Variants in CLDN16 observed in about 807,000 individuals in gnomAD.
The protein encoded by CLDN16 is claudin 16.
A neutral mutation model predicts 24.6 loss-of-function variants in CLDN16; 13 were observed. The observed-to-expected ratio is 0.53, with a 90% confidence interval of 0.34 to 0.84. CLDN16 has a LOEUF of 0.84. CLDN16 is among the 40% of genes least tolerant of loss of function. The probability of loss-of-function intolerance (pLI) is 0.01; values close to 1 mark genes in which losing one functional copy is unlikely to be tolerated. For synonymous variants in CLDN16, 116 were observed against 106.7 expected, an observed-to-expected ratio of 1.09 and a Z score of -0.54; for missense variants, 298 against 292.7, an observed-to-expected ratio of 1.02 and a Z score of -0.13.
intron 1 of CLDN16, among the ~76,000 whole-genome samples, chr3:190,361,024 A>G (rs1717877373): frequency 1.3e-5 from 2 of 152,070 alleles, no homozygotes; most frequent in Admixed American, 1.3e-4. Context: ...AATTATGTTT[A>G]GTGTAGGTTT....
At chr3:190,320,460 T>A (rs1195791106), upstream of CLDN16, among the ~76,000 whole-genome samples, 1 of 152,212 alleles carries the variant, frequency 6.6e-6, no homozygotes, top group Admixed American at 6.5e-5. Flanking sequence ...AGTACAAATA[T>A]AACCCCTGAG....
intron 1 of CLDN16, among the ~76,000 whole-genome samples, chr3:190,333,008 A>G (rs1560080357): frequency 1.3e-5 from 2 of 152,152 alleles, no homozygotes. Context: ...GCTTTATTGT[A>G]GTCAGGTGTT....
intron 2 of CLDN16, among the ~76,000 whole-genome samples, chr3:190,374,090 C>G (rs369283697): frequency 6.6e-6 from 1 of 151,620 alleles, no homozygotes; most frequent in African/African-American, 2.4e-5. Context: ...AATTTTAGCT[C>G]GTTGGGTTTT....
upstream of CLDN16, chr3:190,388,085 C>G: frequency 6.2e-7 from 1 of 1,601,536 alleles, no homozygotes; most frequent in Non-Finnish European, 8.6e-7. Context: ...CTTGCACTGA[C>G]CTGCCTTCTG....
At chr3:190,340,611 C>A (rs904739777) in intron 1 of CLDN16, among the ~76,000 whole-genome samples, 1 of 152,164 alleles carries the variant, frequency 6.6e-6, no homozygotes, top group African/African-American at 2.4e-5. Context: ...GGTGGGGACA[C>A]AACCAAACCA....
chr3:190,299,916 G>A, the CLDN16 span, among the ~76,000 whole-genome samples: 1 of 152,170 alleles, frequency 6.6e-6, no homozygotes, highest in East Asian at 1.9e-4. Context: ...TGAGGGTAGA[G>A]TAACCTTCCT....
intron 1 of CLDN16, among the ~76,000 whole-genome samples, chr3:190,332,430 A>G (rs1717201838): frequency 6.6e-6 from 1 of 152,186 alleles, no homozygotes; most frequent in African/African-American, 2.4e-5. Context: ...GAGTAAAGAG[A>G]GACATTAATA....
At chr3:190,368,806 A>G (rs530117107) in intron 1 of CLDN16, among the ~76,000 whole-genome samples, 113 of 152,048 alleles carry the variant, frequency 7.4e-4, no homozygotes, top group South Asian at 1.2e-3. Flanking sequence ...AATGCTTACA[A>G]TTCCACCTTT....
chr3:190,396,765 A>G (rs1212168129), intron 1 of CLDN16, among the ~76,000 whole-genome samples: 6 of 152,328 alleles, frequency 3.9e-5, no homozygotes, highest in African/African-American at 1.4e-4. Context: ...GAAAGTGATA[A>G]ATGCCAGCTA....
the CLDN16 span, chr3:190,308,524 C>G: frequency 1.6e-6 from 2 of 1,284,774 alleles, no homozygotes; most frequent in East Asian, 5.0e-5. Context: ...AATCAATACT[C>G]ATTGTATTTT....
At chr3:190,307,897 G>A in the CLDN16 span, 1 of 168,258 alleles carries the variant, frequency 5.9e-6, no homozygotes, top group Non-Finnish European at 1.3e-5. Context: ...ACCTATTTTA[G>A]AGATATTTTA....
intron 1 of CLDN16, among the ~76,000 whole-genome samples, chr3:190,392,755 T>C (rs1214601994): frequency 6.6e-6 from 1 of 152,110 alleles, no homozygotes; most frequent in Non-Finnish European, 1.5e-5. Context: ...GCGTTGTATG[T>C]TTGCGGTATT....
intron 2 of CLDN16, among the ~76,000 whole-genome samples, chr3:190,373,916 T>C (rs1718194360): frequency 6.6e-6 from 1 of 151,830 alleles, no homozygotes; most frequent in East Asian, 1.9e-4. Flanking sequence ...CCTTATACAT[T>C]TCCCTTGCAA....
chr3:190,388,190 A>G lies in CLDN16; in HGVS notation c.-140A>G. 5.6e-6 allele frequency: 9 copies of G among 1,614,116 alleles called. No individual in the cohort carries two copies. Among genetic ancestry groups the G allele is most frequent in the Non-Finnish European group, 6.8e-6 (8 of 1,180,020 alleles). ...TCTTACTGCAACTCAAGACACCTGC[A>G]GCAGGGCGTGAGAAAAAGTAAAAGA... is the stretch of plus-strand genomic sequence containing the variant. On this transcript the variant is annotated 5_prime_UTR_variant, in exon 1 of 5. Transcript: ENST00000264734.
At chr3:190,349,032 T>TA (rs1717616922) in intron 1 of CLDN16, among the ~76,000 whole-genome samples, 1 of 152,218 alleles carries the variant, frequency 6.6e-6, no homozygotes, top group South Asian at 2.1e-4. Context: ...TACCAGCGTG[T>TA]ATATGTACCA....
chr3:190,372,149 A>T (rs1718155719), intron 2 of CLDN16, among the ~76,000 whole-genome samples: 1 of 151,928 alleles, frequency 6.6e-6, no homozygotes, highest in Non-Finnish European at 1.5e-5. Flanking sequence ...GCTAAGGATG[A>T]GTCTTGTATT....
chr3:190,330,860 TC>T (rs754315724), intron 1 of CLDN16, among the ~76,000 whole-genome samples: 33 of 152,200 alleles, frequency 2.2e-4, no homozygotes, highest in Non-Finnish European at 4.4e-4. Context: ...CTTTTAACCT[TC>T]AAATTTAAAA....
At chr3:190,402,607 C>T (rs973965903) in intron 2 of CLDN16, among the ~76,000 whole-genome samples, 168 bp downstream of exon 2, 21 of 152,118 alleles carry the variant, frequency 1.4e-4, no homozygotes, top group African/African-American at 4.8e-4. Context: ...GAAATATATA[C>T]TTCAGCACAT....
chr3:190,308,304 T>C, the CLDN16 span: 1 of 1,613,812 alleles, frequency 6.2e-7, no homozygotes, highest in Non-Finnish European at 8.5e-7. Flanking sequence ...CGCTGGAAGG[T>C]GCAGGTTTTG....
Sources: allele counts gnomAD v4.1 joint callset (sites outside exome capture counted in the v4.1 genomes callset), GRCh38; gene constraint gnomAD v4.1.1; transcripts MANE v1.5; gene names NCBI Gene and HGNC (gene_info 2026-07-23, HGNC 2026-07-21).